SLC25A21: variants seen among roughly 807,000 people sequenced by gnomAD.
SLC25A21 encodes the protein solute carrier family 25 member 21, also known as mitochondrial 2-oxodicarboxylate carrier.
A neutral mutation model predicts 43.8 loss-of-function variants in SLC25A21; 47 were observed. The ratio of observed to expected loss-of-function variants is 1.07; its 90% CI spans 0.85 to 1.37. SLC25A21 has a LOEUF of 1.37. Among genes scored for constraint, SLC25A21 ranks in the 40% most tolerant of loss-of-function variants. SLC25A21 has a pLI of 0.00. For synonymous variants in SLC25A21, 131 were observed against 121.3 expected, an observed-to-expected ratio of 1.08 and a Z score of -0.52; for missense variants, 352 against 350.2, an observed-to-expected ratio of 1.00 and a Z score of -0.04.
chr14:36,947,309 A>C (rs1458487342), intron 1 of SLC25A21, among the ~76,000 whole-genome samples: 1 of 152,246 alleles, frequency 6.6e-6, no homozygotes, highest in African/African-American at 2.4e-5. Flanking sequence ...TTCTGAAAGA[A>C]AACCAGAGAA....
At chr14:37,106,992 A>T (rs1962926716) in intron 1 of SLC25A21, among the ~76,000 whole-genome samples, 1 of 152,242 alleles carries the variant, frequency 6.6e-6, no homozygotes, top group African/African-American at 2.4e-5. Flanking sequence ...AGTGTCACTC[A>T]ATAGTATTGG....
chr14:37,172,592 G>T lies in SLC25A21; in HGVS notation c.-242C>A, dbSNP rs367556676. 1.4e-6 allele frequency: 1 copy of T among 691,806 alleles called. No individual in the cohort carries two copies. Among genetic ancestry groups the T allele is most frequent in the African/African-American group, 1.8e-5 (1 of 57,046 alleles). 42.9% of individuals were successfully genotyped at this position (691,806 alleles called of 1,614,324 possible). On this transcript the variant is annotated 5_prime_UTR_variant, in exon 1 of 10. Coordinates refer to ENST00000331299, the MANE Select transcript of SLC25A21 (RefSeq NM_030631.4). ...CAGAGGCGCCCTCGGCTCCGAAAAT[G>T]TCTCTGGAAAGAAGACCCGCGGATG...
At chr14:36,860,637 C>T (rs1329260426) in intron 2 of SLC25A21, among the ~76,000 whole-genome samples, 2 of 152,200 alleles carry the variant, frequency 1.3e-5, no homozygotes, top group South Asian at 4.1e-4. Flanking sequence ...AGAATTCTAA[C>T]GAGTTCTCAC....
intron 1 of SLC25A21, among the ~76,000 whole-genome samples, chr14:37,008,788 A>G (rs1960665722): frequency 6.6e-6 from 1 of 152,162 alleles, no homozygotes; most frequent in African/African-American, 2.4e-5. Flanking sequence ...TTATGTCTCA[A>G]TGATCTTATA....
intron 1 of SLC25A21, among the ~76,000 whole-genome samples, chr14:36,917,817 G>T (rs1376858127): frequency 6.6e-6 from 1 of 152,036 alleles, no homozygotes; most frequent in Non-Finnish European, 1.5e-5. Context: ...ATCATCAGTA[G>T]AAAAGATTAA....
At chr14:36,788,422 C>T (rs1008376374) in intron 3 of SLC25A21, among the ~76,000 whole-genome samples, 3 of 151,298 alleles carry the variant, frequency 2.0e-5, no homozygotes, top group African/African-American at 7.3e-5. Context: ...CAACAATTCT[C>T]AACAAAGAGT....
chr14:36,876,813 C>CATAT (rs111276484), intron 1 of SLC25A21, among the ~76,000 whole-genome samples: 1 of 149,464 alleles, frequency 6.7e-6, no homozygotes, highest in African/African-American at 2.5e-5. Flanking sequence ...ATCTGACTCA[C>CATAT]ATATATATAT....
intron 2 of SLC25A21, among the ~76,000 whole-genome samples, chr14:36,816,231 T>A (rs771241165): frequency 2.6e-5 from 4 of 152,160 alleles, no homozygotes; most frequent in Non-Finnish European, 5.9e-5. Flanking sequence ...TTGTGAACAG[T>A]ACTGTTCAGA....
intron 1 of SLC25A21, among the ~76,000 whole-genome samples, chr14:37,043,947 T>TG (rs1594767022): frequency 9.1e-6 from 1 of 110,138 alleles, no homozygotes; most frequent in African/African-American, 3.9e-5. Flanking sequence ...TTTGTTTTTT[T>TG]TTTTTTTTTT....
intron 1 of SLC25A21, among the ~76,000 whole-genome samples, chr14:36,972,629 T>C (rs1025499814): frequency 1.3e-5 from 2 of 152,126 alleles, no homozygotes; most frequent in Non-Finnish European, 2.9e-5. Flanking sequence ...ACCAGTACCC[T>C]GGCAGGTAGT....
intron 1 of SLC25A21, among the ~76,000 whole-genome samples, chr14:36,927,614 T>A (rs1053161374): frequency 2.0e-5 from 3 of 152,174 alleles, no homozygotes; most frequent in Admixed American, 6.5e-5. Flanking sequence ...TTTTATTCAG[T>A]ATAATGCTAT....
chr14:36,837,167 G>C (rs1031089325), intron 2 of SLC25A21, among the ~76,000 whole-genome samples: 1 of 152,136 alleles, frequency 6.6e-6, no homozygotes, highest in African/African-American at 2.4e-5. Flanking sequence ...AGAAGCCACG[G>C]TGGGGAGTGA....
intron 6 of SLC25A21, among the ~76,000 whole-genome samples, chr14:36,719,097 T>C (rs574350947): frequency 6.6e-6 from 1 of 152,276 alleles, no homozygotes; most frequent in Non-Finnish European, 1.5e-5. Context: ...TTGAAGTAGA[T>C]TTCAAAGTGG....
chr14:36,752,289 T>C (rs1885737974), intron 3 of SLC25A21, among the ~76,000 whole-genome samples: 1 of 152,338 alleles, frequency 6.6e-6, no homozygotes, highest in East Asian at 1.9e-4. Context: ...CCCTTACGCA[T>C]TGCTTTTGGG....
intron 1 of SLC25A21, among the ~76,000 whole-genome samples, chr14:37,147,844 C>CTTTTTTTTTTTTTTTTT (rs61239254): frequency 3.2e-5 from 4 of 126,248 alleles, no homozygotes; most frequent in Non-Finnish European, 6.3e-5. Context: ...TTTTTCTTTT[C>CTTTTTTTTTTTTTTTTT]TTTTTTTTTT....
At chr14:36,843,175 C>G (rs898356773) in intron 2 of SLC25A21, among the ~76,000 whole-genome samples, 2 of 152,156 alleles carry the variant, frequency 1.3e-5, no homozygotes, top group African/African-American at 2.4e-5. Context: ...AGTACTGCTC[C>G]CTGGCCCAGG....
At chr14:37,067,028 T>C (rs1444725456) in intron 1 of SLC25A21, among the ~76,000 whole-genome samples, 1 of 151,818 alleles carries the variant, frequency 6.6e-6, no homozygotes, top group Non-Finnish European at 1.5e-5. Flanking sequence ...TACAGTACAG[T>C]GGGGAAAAAA....
chr14:36,947,632 A>C (rs1892708014), intron 1 of SLC25A21, among the ~76,000 whole-genome samples: 1 of 152,124 alleles, frequency 6.6e-6, no homozygotes, highest in Non-Finnish European at 1.5e-5. Flanking sequence ...ATAGACACAC[A>C]CATCTGATGA....
chr14:36,826,820 G>C (rs1397802471), intron 2 of SLC25A21, among the ~76,000 whole-genome samples: 1 of 152,162 alleles, frequency 6.6e-6, no homozygotes, highest in African/African-American at 2.4e-5. Flanking sequence ...TTTTCCTGTA[G>C]CATTCTCTCC....
Sources: allele counts gnomAD v4.1 joint callset (sites outside exome capture counted in the v4.1 genomes callset), GRCh38; gene constraint gnomAD v4.1.1; transcripts MANE v1.5; gene names NCBI Gene and HGNC (gene_info 2026-07-23, HGNC 2026-07-21).